DKK1: variants seen among roughly 807,000 people sequenced by gnomAD.
DKK1 encodes dickkopf-related protein 1.
A neutral mutation model predicts 26.0 loss-of-function variants in DKK1; 18 were observed. The ratio of observed to expected loss-of-function variants is 0.69; its 90% CI spans 0.48 to 1.03. The LOEUF is 1.03. DKK1 is among the 50% of genes least tolerant of loss of function. The pLI, the probability that DKK1 is intolerant of heterozygous loss-of-function variation, is 0.00. For missense variants in DKK1, 335 were observed against 348.5 expected (o/e 0.96, Z 0.31); for synonymous variants, 130 against 132.6 (o/e 0.98, Z 0.13).
chr10:52,316,196 A>G (rs1222762147), intron 2 of DKK1, 99 bp from the exon 3 acceptor site: 1 of 1,426,088 alleles, frequency 7.0e-7, no homozygotes, highest in Non-Finnish European at 9.6e-7. Context: ...GCAATGAAGT[A>G]TCTCAAGTTG....
rs1008681185 is a variant in DKK1 at position 52,314,927 on chromosome 10, A to T, written c.248A>T (p.Tyr83Phe). ...KYQTIDNYQP[Y>F]PCAEDEECGT... ...CTCCCCGAACCCTTCCCACAGCCGT[A>T]CCCGTGCGCAGAGGACGAGGAGTGC... is the stretch of plus-strand genomic sequence containing the variant. The change falls in exon 2 of 4, where the codon TAC becomes TTC. Residue 83 changes from tyrosine to phenylalanine, a missense_variant. Tyr to Phe is a conservative substitution (Grantham distance 22). Coordinates refer to ENST00000373970, the MANE Select transcript of DKK1 (RefSeq NM_012242.4). The surrounding 1 kb of genome is among the most constrained non-coding windows in gnomAD (Gnocchi z 5.7). The T allele has an allele frequency of 3.3e-6, 5 of 1,531,328 alleles. No individual in the cohort carries two copies. In the African/African-American group the frequency reaches 6.9e-5, roughly 21 times the overall value. The allele number at this position is 1,531,328 out of a possible 1,614,324, so 94.9% of individuals were successfully genotyped here.
Position 52,314,499 on chromosome 10 carries a change from G to A in DKK1, c.65G>A (p.Gly22Asp). 1.9e-6 allele frequency: 3 copies of A among 1,613,674 alleles called. No individual in the cohort carries two copies. Among genetic ancestry groups the A allele is most frequent in the Non-Finnish European group, 2.5e-6 (3 of 1,180,022 alleles). Reference protein sequence around the residue: ...VFVAMVAAALGGHPLLGVSAT... With the variant: ...VFVAMVAAALDGHPLLGVSAT... ...GTCGCGATGGTAGCGGCGGCTCTCG[G>A]CGGCCACCCTCTGCTGGGAGTGAGC... Residue 22 changes from glycine (G) to aspartate (D), a missense_variant, in exon 1 of 4, where the codon GGC (glycine) becomes GAC (aspartate). Physicochemically the swap from Gly to Asp is moderately conservative, Grantham distance 94 (BLOSUM62 -1). Transcript: ENST00000373970. The surrounding 1 kb of genome is among the most constrained non-coding windows in gnomAD (Gnocchi z 5.7).
Position 52,316,345 on chromosome 10 carries a change from A to C in DKK1, c.457A>C (p.Thr153Pro), listed in dbSNP as rs756489269. The change falls in exon 3 of 4, where the codon ACC becomes CCC. Residue 153 changes from threonine (T) to proline (P), a missense_variant. By Grantham distance (38) the Thr-to-Pro change is conservative. Coordinates refer to ENST00000373970, the MANE Select transcript of DKK1 (RefSeq NM_012242.4). ...TCATTTCCGAGGAGAAATTGAGGAA[A>C]CCATCACTGAAAGCTTTGGTAATGA... Reference protein sequence around the residue: ...QNHFRGEIEETITESFGNDHS... With the variant: ...QNHFRGEIEEPITESFGNDHS... 1.7e-5 allele frequency: 28 copies of C among 1,614,120 alleles called. No individual in the cohort carries two copies. The highest frequency in any genetic ancestry group is 2.1e-5 in the Non-Finnish European group (25 of 1,180,010).
rs373503166 is a variant in DKK1 at position 52,316,665 on chromosome 10, G to T, written c.659G>T (p.Cys220Phe). 1 of 1,613,994 alleles carries T rather than the reference G, an allele frequency of 6.2e-7. No individual in the cohort carries two copies. Among genetic ancestry groups the T allele is most frequent in the Non-Finnish European group, 8.5e-7 (1 of 1,180,020 alleles). ...CKPVLKEGQVCTKHRRKGSHG... is the reference protein window; with the variant it reads ...CKPVLKEGQVFTKHRRKGSHG... ...CCTGTCCTGAAAGAAGGTCAAGTGT[G>T]TACCAAGCATAGGAGAAAAGGCTCT... Residue 220 changes from cysteine to phenylalanine, a missense_variant, in exon 4 of 4, where the codon TGT (cysteine) becomes TTT (phenylalanine). By Grantham distance (205) the Cys-to-Phe change is radical (BLOSUM62 -2). Coordinates refer to ENST00000373970, the MANE Select transcript of DKK1 (RefSeq NM_012242.4).
chr10:52,314,999 G>T lies in DKK1; in HGVS notation c.320G>T (p.Gly107Val). ...CASPTRGGDAGVQICLACRKR... is the reference protein window; with the variant it reads ...CASPTRGGDAVVQICLACRKR... ...AGTCCCACCCGCGGAGGGGACGCAG[G>T]CGTGCAAATCTGTCTCGCCTGCAGG... is the stretch of plus-strand genomic sequence containing the variant. The change falls in exon 2 of 4, where the codon GGC becomes GTC. Residue 107 changes from glycine (G) to valine (V), a missense_variant. Physicochemically the swap from Gly to Val is moderately radical, Grantham distance 109. Transcript: ENST00000373970. This position sits in a 1 kb window ranked among gnomAD's most constrained non-coding sequence, Gnocchi z 5.7. 6.2e-7 allele frequency: 1 copy of T among 1,605,712 alleles called. No individual in the cohort carries two copies. The highest frequency in any genetic ancestry group is 8.5e-7 in the Non-Finnish European group (1 of 1,174,138).
chr10:52,316,476 CTT>C, intron 3 of DKK1, 41 bp downstream of exon 3: 1 of 1,610,188 alleles, frequency 6.2e-7, no homozygotes, highest in Non-Finnish European at 8.5e-7. Context: ...TCAGAAGTGT[CTT>C]TTGAATTATT....
chr10:52,315,127 C>A, intron 2 of DKK1, 42 bp downstream of exon 2: 1 of 968,704 alleles, frequency 1.0e-6, no homozygotes, highest in Non-Finnish European at 1.2e-6. Context: ...ACTGTCCAGC[C>A]TTTGAGCGTC....
In DKK1 at chr10:52,317,009, G is replaced by T; in HGVS notation, c.*202G>T. The stretch of plus-strand genomic sequence containing the variant: ...TGTGATTGCAGTAAATTACTGTATT[G>T]TAAATTCTCAGTGTGGCACTTACCT... On this transcript the variant is annotated 3_prime_UTR_variant, in exon 4 of 4. Transcript: ENST00000373970. The T allele has an allele frequency of 1.7e-6, 1 of 589,184 alleles. No homozygotes were observed. The highest frequency in any genetic ancestry group is 2.9e-6 in the Non-Finnish European group (1 of 340,646). The allele number at this position is 589,184 out of a possible 1,614,324, so 36.5% of individuals were successfully genotyped here.
In DKK1 at chr10:52,317,607, A is replaced by G. The variant is rs2132488229; in HGVS notation, c.*800A>G. The stretch of plus-strand genomic sequence containing the variant: ...AATGATCATGGCAGAATGAGAGTGA[A>G]TCTTACATTACTACTTTCAAAAATA... On this transcript the variant is annotated 3_prime_UTR_variant, in exon 4 of 4. Coordinates refer to ENST00000373970, the MANE Select transcript of DKK1 (RefSeq NM_012242.4). The G allele has an allele frequency of 6.6e-6, 1 of 152,340 alleles. No individual in the cohort carries two copies. The highest frequency in any genetic ancestry group is 2.1e-4 in the South Asian group (1 of 4,832). 9.4% of individuals were successfully genotyped at this position (152,340 alleles called of 1,614,324 possible).
At position 52,314,536 on chromosome 10, in the gene DKK1, C is replaced by A; in HGVS notation, c.102C>A (p.Asn34Lys). Reference protein sequence around the residue: ...HPLLGVSATLNSVLNSNAIKN... With the variant: ...HPLLGVSATLKSVLNSNAIKN... ...TGCTGGGAGTGAGCGCCACCTTGAA[C>A]TCGGTTCTCAATTCCAACGCTATCA... Residue 34 changes from asparagine to lysine, a missense_variant, in exon 1 of 4, where the codon AAC becomes AAA. Physicochemically the swap from Asn to Lys is moderately conservative, Grantham distance 94 (BLOSUM62 0). Transcript: ENST00000373970. The surrounding 1 kb of genome is among the most constrained non-coding windows in gnomAD (Gnocchi z 5.7). The A allele has an allele frequency of 1.2e-6, 2 of 1,613,846 alleles. No homozygotes were observed. The highest frequency in any genetic ancestry group is 1.7e-6 in the Non-Finnish European group (2 of 1,180,010).
In DKK1 at chr10:52,316,374, T is replaced by C. The variant is rs768968541; in HGVS notation, c.486T>C (p.His162=). The change falls in exon 3 of 4, where the codon CAT becomes CAC. Residue 162 remains histidine, a synonymous_variant. Coordinates refer to ENST00000373970, the MANE Select transcript of DKK1 (RefSeq NM_012242.4). ...ETITESFGND[H]STLDGYSRRT... ...TCACTGAAAGCTTTGGTAATGATCA[T>C]AGCACCTTGGATGGGTATTCCAGAA... 8 of 1,614,050 alleles carry C rather than the reference T, an allele frequency of 5.0e-6. No individual in the cohort carries two copies. In the African/African-American group the frequency reaches 9.3e-5, roughly 19 times the overall value.
Position 52,314,671 on chromosome 10 carries a change from C to T in DKK1, c.237C>T (p.Asn79=), listed in dbSNP as rs1200844624. 5 of 1,612,686 alleles carry T rather than the reference C, an allele frequency of 3.1e-6. No individual in the cohort carries two copies. Among genetic ancestry groups the T allele is most frequent in the Non-Finnish European group, 4.2e-6 (5 of 1,179,642 alleles). Residue 79 remains asparagine, a synonymous_variant, in exon 1 of 4, where the codon AAC becomes AAT. Transcript: ENST00000373970. This position sits in a 1 kb window ranked among gnomAD's most constrained non-coding sequence, Gnocchi z 5.7. ...GGAATAAGTACCAGACCATTGACAA[C>T]TACCAGGTGAGAGGGGTCGGGCACT... is the stretch of plus-strand genomic sequence containing the variant. ...PGGNKYQTID[N]YQPYPCAEDE...
rs1429946635 is a variant in DKK1, at chr10:52,316,307, C to T, written c.419C>T (p.Ser140Phe). ...CCTGCTTCCTTAGGAATATGTGTGT[C>T]TTCTGATCAAAATCATTTCCGAGGA... The part of the protein sequence containing the change: ...GNYCKNGICV[S>F]SDQNHFRGEI... Residue 140 changes from serine to phenylalanine, a missense_variant, in exon 3 of 4, where the codon TCT (serine) becomes TTT (phenylalanine). Transcript: ENST00000373970. 1.2e-6 allele frequency: 2 copies of T among 1,614,066 alleles called. No homozygotes were observed. Among genetic ancestry groups the T allele is most frequent in the Admixed American group, 3.3e-5 (2 of 60,014 alleles).
rs760457793 is a variant in DKK1, at chr10:52,314,638, C to T, written c.204C>T (p.Tyr68=). The change falls in exon 1 of 4, where the codon TAC becomes TAT. Residue 68 remains tyrosine (Y), a synonymous_variant. Coordinates refer to ENST00000373970, the MANE Select transcript of DKK1 (RefSeq NM_012242.4). The surrounding 1 kb of genome is among the most constrained non-coding windows in gnomAD (Gnocchi z 5.7). The part of the protein sequence containing the change: ...SAVSAAPGIL[Y]PGGNKYQTID... ...TCAGCGCCGCGCCGGGAATCCTGTA[C>T]CCGGGCGGGAATAAGTACCAGACCA... is the stretch of plus-strand genomic sequence containing the variant. 10 of 1,613,124 alleles carry T rather than the reference C, an allele frequency of 6.2e-6. No homozygotes were observed. In the African/African-American group the frequency reaches 8.0e-5, roughly 13 times the overall value.
At position 52,316,299 on chromosome 10, in the gene DKK1, A is replaced by G. The variant is rs201884496; in HGVS notation, c.411A>G (p.Ile137Met). The G allele has an allele frequency of 1.7e-5, 27 of 1,613,976 alleles. No individual in the cohort carries two copies. The highest frequency in any genetic ancestry group is 2.2e-5 in the Non-Finnish European group (26 of 1,179,976). Residue 137 changes from isoleucine (I) to methionine (M), a missense_variant, in exon 3 of 4, where the codon ATA becomes ATG. Ile to Met is a conservative substitution (Grantham distance 10). Transcript: ENST00000373970. ...CCPGNYCKNG[I>M]CVSSDQNHFR... ...CACTATTTCCTGCTTCCTTAGGAAT[A>G]TGTGTGTCTTCTGATCAAAATCATT...
rs758237698 is a variant in DKK1, at chr10:52,314,389, G to A, written c.-46G>A. 5 of 1,607,800 alleles carry A rather than the reference G, an allele frequency of 3.1e-6. No individual in the cohort carries two copies. Among genetic ancestry groups the A allele is most frequent in the East Asian group, 2.2e-5 (1 of 44,774 alleles). Reference sequence around the variant, plus strand: ...TTTCGTGGGGACCCAGGCTTGCAAAGTGACGGTCATTTTCTCTTTCTTTCT... The same window carrying A: ...TTTCGTGGGGACCCAGGCTTGCAAAATGACGGTCATTTTCTCTTTCTTTCT... On this transcript the variant is annotated 5_prime_UTR_variant, in exon 1 of 4. The change creates a new upstream start codon in the 5' untranslated region. Transcript: ENST00000373970. This position sits in a 1 kb window ranked among gnomAD's most constrained non-coding sequence, Gnocchi z 5.7.
rs1842625941 is a variant in DKK1, at chr10:52,317,225, T to C, written c.*418T>C. 3 of 159,998 alleles carry C rather than the reference T, an allele frequency of 1.9e-5. No homozygotes were observed. Among genetic ancestry groups the C allele is most frequent in the Non-Finnish European group, 2.7e-5 (2 of 72,934 alleles). 9.9% of individuals were successfully genotyped at this position (159,998 alleles called of 1,614,324 possible). On this transcript the variant is annotated 3_prime_UTR_variant, in exon 4 of 4. Coordinates refer to ENST00000373970, the MANE Select transcript of DKK1 (RefSeq NM_012242.4). ...CTTTACCCCATTTAATTCTAGAGTC[T>C]AGAACGCAAGGATCTCTTGGAATGA...
rs1842617969 is a variant in DKK1 at position 52,316,437 on chromosome 10, T to A, written c.547+2T>A. 6.2e-7 allele frequency: 1 copy of A among 1,613,864 alleles called. No homozygotes were observed. Among genetic ancestry groups the A allele is most frequent in the Non-Finnish European group, 8.5e-7 (1 of 1,179,934 alleles). ...CTTCAAAAATGTATCACACCAAAGG[T>A]AAGGATGTTAAGACTCATTCTTAGC... On this transcript the variant is annotated splice_donor_variant, in intron 3 of 3. Coordinates refer to ENST00000373970, the MANE Select transcript of DKK1 (RefSeq NM_012242.4). LOFTEE classifies it high-confidence loss of function.
In DKK1 at chr10:52,316,428, C is replaced by T. The variant is rs1228212866; in HGVS notation, c.540C>T (p.His180=). ...RRTTLSSKMY[H]TKGQEGSVCL... ...CCACCTTGTCTTCAAAAATGTATCACACCAAAGGTAAGGATGTTAAGACTC... is the reference window on the plus strand; with the variant it reads ...CCACCTTGTCTTCAAAAATGTATCATACCAAAGGTAAGGATGTTAAGACTC... The change falls in exon 3 of 4, where the codon CAC becomes CAT. Residue 180 remains histidine (H), a synonymous_variant. Coordinates refer to ENST00000373970, the MANE Select transcript of DKK1 (RefSeq NM_012242.4). 2 of 1,613,968 alleles carry T rather than the reference C, an allele frequency of 1.2e-6. No individual in the cohort carries two copies. The highest frequency in any genetic ancestry group is 2.2e-5 in the East Asian group (1 of 44,882).
Sources: allele counts gnomAD v4.1 joint callset, GRCh38; gene constraint gnomAD v4.1.1; non-coding constraint Gnocchi (gnomAD v3.1); transcripts MANE v1.5; gene names NCBI Gene and HGNC (gene_info 2026-07-23, HGNC 2026-07-21).